The following BLTP1 variants were observed in gnomAD, a reference collection of about 807,000 sequenced individuals.
The protein encoded by BLTP1 is bridge-like lipid transfer protein family member 1.
the BLTP1 span, among the ~76,000 whole-genome samples, chr4:122,343,150 C>T: frequency 6.6e-6 from 1 of 152,164 alleles, no homozygotes; most frequent in African/African-American, 2.4e-5. Context: ...GGAAACCATG[C>T]AGTAGGCCAA....
At chr4:122,322,439 A>ATC in the BLTP1 span, among the ~76,000 whole-genome samples, 97,109 of 151,632 alleles carry the variant, frequency 0.64, 31,562 homozygotes, top group Middle Eastern at 0.79. Flanking sequence ...TGTCCACTTT[A>ATC]TGTTAGAGCC....
chr4:122,297,754 G>T, the BLTP1 span, among the ~76,000 whole-genome samples: 6 of 152,200 alleles, frequency 3.9e-5, no homozygotes, highest in Non-Finnish European at 7.3e-5. Context: ...CATGTCCTTT[G>T]CAGGGATATT....
chr4:122,293,540 G>A, the BLTP1 span, among the ~76,000 whole-genome samples: 8 of 151,908 alleles, frequency 5.3e-5, no homozygotes, highest in African/African-American at 1.7e-4. Flanking sequence ...TTCCCCTTGT[G>A]AGTCCTACCA....
chr4:122,331,831 G>C, the BLTP1 span: 1 of 898,156 alleles, frequency 1.1e-6, no homozygotes, highest in South Asian at 5.1e-5. Flanking sequence ...CTCAGTGTCT[G>C]TCCCTGTATT....
At chr4:122,274,222 T>G in the BLTP1 span, 1 of 675,524 alleles carries the variant, frequency 1.5e-6, no homozygotes, top group Non-Finnish European at 2.3e-6. Flanking sequence ...TGAACAAAAT[T>G]TACCATAACT....
chr4:122,255,931 G>C, the BLTP1 span: 1 of 308,108 alleles, frequency 3.2e-6, no homozygotes, highest in Non-Finnish European at 4.7e-6. Context: ...AAGGTATAAA[G>C]AGTTTTTAAG....
chr4:122,257,371 A>G, the BLTP1 span: 1 of 1,614,000 alleles, frequency 6.2e-7, no homozygotes, highest in African/African-American at 1.3e-5. Context: ...TACATAGACC[A>G]GCTCAGCCTC....
chr4:122,267,037 C>T, the BLTP1 span: 1 of 412,262 alleles, frequency 2.4e-6, no homozygotes, highest in Non-Finnish European at 4.3e-6. Context: ...TCGTGTAATC[C>T]AAATAAGGAA....
the BLTP1 span, chr4:122,226,566 A>T: frequency 3.4e-6 from 5 of 1,469,512 alleles, no homozygotes; most frequent in Non-Finnish European, 1.8e-6. Context: ...TCATTGGCTA[A>T]CAAGTTGCTT....
At chr4:122,171,877 G>A in the BLTP1 span, 13 of 984,738 alleles carry the variant, frequency 1.3e-5, no homozygotes, top group South Asian at 1.4e-4. Flanking sequence ...ATAGGGGGGC[G>A]TGATATAATG....
chr4:122,194,847 G>A, the BLTP1 span: 1 of 208,600 alleles, frequency 4.8e-6, no homozygotes, highest in Non-Finnish European at 8.3e-6. Context: ...TTTTTCCACT[G>A]CCAGGAGAGA....
At chr4:122,302,342 A>G in the BLTP1 span, 10 of 697,810 alleles carry the variant, frequency 1.4e-5, no homozygotes, top group Admixed American at 5.7e-4. Context: ...TTTCACAGGT[A>G]TTGAGGTTTT....
the BLTP1 span, chr4:122,243,465 G>T: frequency 2.0e-6 from 2 of 983,476 alleles, no homozygotes; most frequent in Non-Finnish European, 2.4e-6. Flanking sequence ...TCCAGGCCAG[G>T]CATGGTGGTT....
chr4:122,238,345 A>G, the BLTP1 span: 4 of 1,613,250 alleles, frequency 2.5e-6, no homozygotes, highest in Non-Finnish European at 3.4e-6. Context: ...ATGATGGCCA[A>G]GCAAGGTCAG....
At chr4:122,192,548 C>CT in the BLTP1 span, 1 of 171,206 alleles carries the variant, frequency 5.8e-6, no homozygotes, top group African/African-American at 2.4e-5. Flanking sequence ...TCTCCACAAG[C>CT]AAGTTCATTC....
the BLTP1 span, chr4:122,347,610 G>A: frequency 6.2e-7 from 1 of 1,613,768 alleles, no homozygotes; most frequent in South Asian, 1.1e-5. Context: ...GCAAGACCTG[G>A]GAGCAGCCAA....
chr4:122,348,525 C>CAAAT, the BLTP1 span: 1 of 1,511,350 alleles, frequency 6.6e-7, no homozygotes, highest in Non-Finnish European at 8.9e-7. Context: ...ACTAGCTTGG[C>CAAAT]ATTTATGTGA....
At chr4:122,286,460 A>G in the BLTP1 span, 6 of 1,573,944 alleles carry the variant, frequency 3.8e-6, no homozygotes, top group African/African-American at 8.1e-5. Flanking sequence ...CATTTTTCTT[A>G]GATACCCTTT....
the BLTP1 span, chr4:122,348,499 T>C: frequency 7.5e-6 from 10 of 1,341,298 alleles, no homozygotes; most frequent in African/African-American, 1.2e-4. Context: ...GCAATAAAAA[T>C]AGTTTTTGCT....
Sources: gnomAD v4.1 joint callset for allele counts (sites outside exome capture counted in the v4.1 genomes callset) on GRCh38, gnomAD v4.1.1 for gene constraint, MANE v1.5 for transcripts, NCBI Gene and HGNC (gene_info 2026-07-23, HGNC 2026-07-21) for gene names.